Variants in BOC observed in about 807,000 individuals in gnomAD.
BOC encodes BOC cell adhesion associated, oncogene regulated.
A neutral mutation model predicts 112.0 loss-of-function variants in BOC; 76 were observed. The observed-to-expected ratio is 0.68, with a 90% CI of 0.56 to 0.82. The LOEUF is 0.82. Ranked by LOEUF, BOC falls within the 40% of genes least tolerant of loss-of-function variation. The pLI is 0.00. For missense variants in BOC, 1,309 were observed against 1,511.7 expected (o/e 0.87, Z 2.22); for synonymous variants, 580 against 599.8 (o/e 0.97, Z 0.48).
At chr3:113,265,057 C>G (rs1281119031) in intron 4 of BOC, among the ~76,000 whole-genome samples, 1 of 152,206 alleles carries the variant, frequency 6.6e-6, no homozygotes, top group African/African-American at 2.4e-5. Flanking sequence ...GCACAGCCTT[C>G]TGTCTCCAAC....
intron 2 of BOC, among the ~76,000 whole-genome samples, chr3:113,233,994 T>C (rs944822846): frequency 3.3e-5 from 5 of 152,090 alleles, no homozygotes; most frequent in Admixed American, 2.0e-4. Flanking sequence ...ATTCATCAGA[T>C]CCAAACTCCA....
At chr3:113,253,569 A>G (rs957254205) in intron 4 of BOC, among the ~76,000 whole-genome samples, 1 of 150,658 alleles carries the variant, frequency 6.6e-6, no homozygotes, top group African/African-American at 2.4e-5. Flanking sequence ...CAAAAAACAA[A>G]TAAATAAAAT....
intron 2 of BOC, among the ~76,000 whole-genome samples, chr3:113,231,713 G>C (rs932962350): frequency 6.6e-6 from 1 of 152,018 alleles, no homozygotes; most frequent in African/African-American, 2.4e-5. Flanking sequence ...AATTATTTTC[G>C]GTGGCATATT....
chr3:113,280,698 G>A, intron 14 of BOC, 35 bp downstream of exon 14: 2 of 1,509,968 alleles, frequency 1.3e-6, no homozygotes, highest in Non-Finnish European at 1.8e-6. Context: ...GCTTCTGCGT[G>A]ATATAGTTTC....
At chr3:113,284,916 T>C in intron 18 of BOC, 58 bp downstream of exon 18, 5 of 1,505,534 alleles carry the variant, frequency 3.3e-6, no homozygotes, top group Non-Finnish European at 4.6e-6. Flanking sequence ...TCCCTTTAGC[T>C]CCTCAAATCC....
intron 16 of BOC, among the ~76,000 whole-genome samples, chr3:113,284,048 C>T (rs907060009): frequency 3.9e-5 from 6 of 152,084 alleles, no homozygotes; most frequent in Non-Finnish European, 8.8e-5. Context: ...CAGCTTACCT[C>T]CTCTAAATAT....
intron 4 of BOC, among the ~76,000 whole-genome samples, chr3:113,263,838 C>T (rs1411979349): frequency 6.6e-6 from 1 of 152,218 alleles, no homozygotes; most frequent in Non-Finnish European, 1.5e-5. Flanking sequence ...ATGTGATCTG[C>T]TGATGGCAGC....
intron 4 of BOC, among the ~76,000 whole-genome samples, chr3:113,260,285 T>G (rs1946675931): frequency 6.6e-6 from 1 of 152,210 alleles, no homozygotes; most frequent in African/African-American, 2.4e-5. Flanking sequence ...TTTCAAATTC[T>G]GATATATTTA....
intron 2 of BOC, among the ~76,000 whole-genome samples, chr3:113,228,001 A>G (rs1941949389): frequency 6.6e-6 from 1 of 152,158 alleles, no homozygotes; most frequent in South Asian, 2.1e-4. Context: ...ACCTTCCAAC[A>G]GTGAAGTGAA....
At chr3:113,245,305 A>G (rs1438491081) in intron 2 of BOC, among the ~76,000 whole-genome samples, 1 of 152,126 alleles carries the variant, frequency 6.6e-6, no homozygotes, top group Non-Finnish European at 1.5e-5. Context: ...GCTGGAATGC[A>G]GTGCAGTGCC....
intron 4 of BOC, among the ~76,000 whole-genome samples, chr3:113,254,368 C>T (rs1228041700): frequency 6.6e-6 from 1 of 152,116 alleles, no homozygotes; most frequent in Non-Finnish European, 1.5e-5. Flanking sequence ...TGGAGTGGAA[C>T]TGCAAAGCTT....
At chr3:113,245,793 C>T (rs1057437082) in intron 2 of BOC, among the ~76,000 whole-genome samples, 7 of 152,252 alleles carry the variant, frequency 4.6e-5, no homozygotes, top group Admixed American at 4.6e-4. Flanking sequence ...ACATCACACT[C>T]TCTCCTATTC....
At chr3:113,213,414 A>G (rs1938649828) in intron 1 of BOC, among the ~76,000 whole-genome samples, 1 of 152,244 alleles carries the variant, frequency 6.6e-6, no homozygotes, top group Admixed American at 6.5e-5. Flanking sequence ...TTTCTGATTT[A>G]TTCCACGACT....
chr3:113,279,217 CT>C (rs1308168617), intron 11 of BOC, 31 bp from the exon 12 acceptor site: 2 of 1,601,756 alleles, frequency 1.2e-6, no homozygotes, highest in Non-Finnish European at 8.5e-7. Flanking sequence ...TCTCACCCTG[CT>C]TCCTTCCTCA....
At chr3:113,228,907 C>T (rs1942128450) in intron 2 of BOC, among the ~76,000 whole-genome samples, 1 of 152,188 alleles carries the variant, frequency 6.6e-6, no homozygotes, top group Admixed American at 6.5e-5. Context: ...TGGTCTTTTT[C>T]AGTTTAAAGT....
chr3:113,281,425 A>T (rs2107730572), intron 15 of BOC, among the ~76,000 whole-genome samples: 1 of 152,312 alleles, frequency 6.6e-6, no homozygotes, highest in African/African-American at 2.4e-5. Context: ...ACTTCCTATA[A>T]ATACTTTATT....
intron 2 of BOC, among the ~76,000 whole-genome samples, chr3:113,235,952 A>C (rs944208799): frequency 7.9e-5 from 12 of 152,060 alleles, no homozygotes; most frequent in Admixed American, 6.6e-5. Flanking sequence ...GAATGCTTAT[A>C]TACTGTTGTT....
At chr3:113,284,632 T>TG (rs930189868) in intron 17 of BOC, 65 bp downstream of exon 17, 2 of 1,548,362 alleles carry the variant, frequency 1.3e-6, no homozygotes, top group Non-Finnish European at 1.8e-6. Context: ...TGGGCTGCCT[T>TG]GGGGGGCCTC....
intron 2 of BOC, among the ~76,000 whole-genome samples, chr3:113,234,861 T>C (rs1019208763): frequency 6.6e-6 from 1 of 152,240 alleles, no homozygotes; most frequent in African/African-American, 2.4e-5. Flanking sequence ...TGGTTCCGTA[T>C]GTGTTGCAGG....
Sources: gnomAD v4.1 joint callset for allele counts (sites outside exome capture counted in the v4.1 genomes callset) on GRCh38, gnomAD v4.1.1 for gene constraint, MANE v1.5 for transcripts, NCBI Gene and HGNC (gene_info 2026-07-23, HGNC 2026-07-21) for gene names.